Variants in ARID1B observed in about 807,000 individuals in gnomAD.
The protein encoded by ARID1B is AT-rich interaction domain 1B, also known as AT-rich interactive domain-containing protein 1B.
Under a neutral mutation model 212.3 loss-of-function variants are expected in ARID1B, and 30 were observed. The observed-to-expected ratio is 0.14, with a 90% CI of 0.11 to 0.19. ARID1B has a LOEUF of 0.19. ARID1B is among the 10% of genes least tolerant of loss of function. ARID1B has a pLI of 1.00. For missense variants in ARID1B, 2,891 were observed against 3,204.0 expected, an observed-to-expected ratio of 0.90 and a Z score of 2.36; for synonymous variants, 1,402 against 1,301.7, an observed-to-expected ratio of 1.08 and a Z score of -1.66.
intron 6 of ARID1B, among the ~76,000 whole-genome samples, chr6:157,116,941 G>C (rs1787356648): frequency 6.6e-6 from 1 of 152,102 alleles, no homozygotes; most frequent in African/African-American, 2.4e-5. Context: ...TTTCTCTATA[G>C]TTCTATAGAG....
intron 5 of ARID1B, among the ~76,000 whole-genome samples, chr6:157,099,500 C>A (rs991929132): frequency 1.3e-5 from 2 of 151,896 alleles, no homozygotes; most frequent in African/African-American, 4.8e-5. Flanking sequence ...TGAGGAGGAC[C>A]CATGCGAAAA....
intron 4 of ARID1B, among the ~76,000 whole-genome samples, chr6:156,982,527 C>T (rs1777669098): frequency 6.8e-6 from 1 of 147,884 alleles, no homozygotes; most frequent in South Asian, 2.1e-4. Flanking sequence ...ATTTCTTTCT[C>T]TCCCTTAATC....
chr6:157,077,394 C>A lies in ARID1B; in HGVS notation c.2248-7268C>A, dbSNP rs867586248. ...GTTCCTAAAAATGTAGGCCCCTGTT[C>A]CTTGGCATAAGCACGTGAGGCCATG... On this transcript the variant is annotated intron_variant, in intron 4 of 19. Coordinates refer to ENST00000636930, the MANE Select transcript of ARID1B (RefSeq NM_001374828.1). 7.2e-5 allele frequency among the ~76,000 whole-genome samples: 11 copies of A among 152,152 alleles called. No homozygotes were observed. The South Asian group carries it at 8.3e-4, about 11-fold the overall frequency.
chr6:157,031,557 C>T (rs1781016916), intron 4 of ARID1B, among the ~76,000 whole-genome samples: 1 of 152,086 alleles, frequency 6.6e-6, no homozygotes, highest in African/African-American at 2.4e-5. Flanking sequence ...TGTAATTTTG[C>T]CTTTCCCATC....
chr6:157,116,154 C>G (rs1237490725), intron 6 of ARID1B, among the ~76,000 whole-genome samples: 1 of 152,160 alleles, frequency 6.6e-6, no homozygotes, highest in African/African-American at 2.4e-5. Flanking sequence ...ACGGAATAGT[C>G]ATCTGAGTAG....
chr6:156,995,706 C>A (rs1300606933), intron 4 of ARID1B, among the ~76,000 whole-genome samples: 1 of 152,200 alleles, frequency 6.6e-6, no homozygotes, highest in Non-Finnish European at 1.5e-5. Context: ...GCTGTACCAG[C>A]TGCTATTAAG....
chr6:157,022,574 T>C (rs1407432396), intron 4 of ARID1B: 1 of 152,238 alleles, frequency 6.6e-6, no homozygotes, highest in Non-Finnish European at 1.5e-5. Context: ...TGACGACTTT[T>C]TCAAGTAAGC....
intron 1 of ARID1B, among the ~76,000 whole-genome samples, chr6:156,782,104 T>C (rs1367286262): frequency 6.6e-6 from 1 of 151,128 alleles, no homozygotes; most frequent in Non-Finnish European, 1.5e-5. Flanking sequence ...TTACAATCCT[T>C]TTTTTTCTTT....
chr6:156,786,064 A>C (rs1337790672), intron 1 of ARID1B, among the ~76,000 whole-genome samples: 1 of 152,224 alleles, frequency 6.6e-6, no homozygotes, highest in East Asian at 1.9e-4. Flanking sequence ...GTTAGATAAT[A>C]GGGTGTGGAA....
chr6:156,874,175 C>A (rs536320767), intron 2 of ARID1B, among the ~76,000 whole-genome samples: 57 of 152,318 alleles, frequency 3.7e-4, no homozygotes, highest in African/African-American at 1.3e-3. Context: ...GGGCTCATTC[C>A]TGCCTCAGCC....
upstream of ARID1B, chr6:156,777,150 GA>G (rs1441404749): frequency 6.6e-6 from 1 of 152,236 alleles, no homozygotes; most frequent in Non-Finnish European, 1.5e-5. Flanking sequence ...GGCCCGGGGG[GA>G]AAGTGCAGGT....
chr6:157,039,429 C>T (rs1781567069), intron 4 of ARID1B, among the ~76,000 whole-genome samples: 1 of 147,672 alleles, frequency 6.8e-6, no homozygotes, highest in Admixed American at 6.8e-5. Context: ...TTCCCGGGTT[C>T]ACGCCATTCT....
intron 8 of ARID1B, chr6:157,151,029 T>C (rs1459603045): frequency 1.2e-5 from 2 of 161,982 alleles, no homozygotes; most frequent in Non-Finnish European, 2.7e-5. Flanking sequence ...TGTGTTTGTT[T>C]CGTTTTCCTT....
intron 13 of ARID1B, among the ~76,000 whole-genome samples, chr6:157,188,998 C>A (rs1013746369): frequency 6.6e-6 from 1 of 152,048 alleles, no homozygotes; most frequent in African/African-American, 2.4e-5. Flanking sequence ...AACGCCAAAC[C>A]AGTATGACTT....
chr6:157,002,021 A>G (rs1342140718), intron 4 of ARID1B, among the ~76,000 whole-genome samples: 1 of 152,224 alleles, frequency 6.6e-6, no homozygotes, highest in African/African-American at 2.4e-5. Context: ...TGCCTGTGAC[A>G]TTGGGTTGCT....
chr6:157,199,702 C>T lies in ARID1B; in HGVS notation c.4479+795C>T, dbSNP rs375415850. Among the ~76,000 whole-genome samples the T allele has an allele frequency of 9.9e-5, 15 of 151,918 alleles. No homozygotes were observed. In the South Asian group the frequency reaches 1.7e-3, roughly 17 times the overall value. On this transcript the variant is annotated intron_variant, in intron 17 of 19. Transcript: ENST00000636930. ...TTTTTCTTTTTTTGAGATGGAGTCTCGCTCTGTCTGGAATCCAGTGGTGCA... is the reference window on the plus strand; with the variant it reads ...TTTTTCTTTTTTTGAGATGGAGTCTTGCTCTGTCTGGAATCCAGTGGTGCA...
chr6:157,096,147 G>A (rs750769007), intron 5 of ARID1B, among the ~76,000 whole-genome samples: 18 of 152,120 alleles, frequency 1.2e-4, no homozygotes, highest in Non-Finnish European at 2.5e-4. Context: ...TTCCCTTCAC[G>A]AAGTCCTTGC....
At chr6:157,123,224 C>A (rs1287950218) in intron 6 of ARID1B, among the ~76,000 whole-genome samples, 3 of 16,676 alleles carry the variant, frequency 1.8e-4, no homozygotes, top group African/African-American at 4.7e-4. Flanking sequence ...TTCTTTCTCT[C>A]CCCCCCGCCC....
chr6:157,197,226 G>A (rs762510522), intron 16 of ARID1B, among the ~76,000 whole-genome samples: 1 of 152,216 alleles, frequency 6.6e-6, no homozygotes, highest in African/African-American at 2.4e-5. Context: ...AAAAAAGATA[G>A]AGGCATAATA....
Sources: allele counts gnomAD v4.1 joint callset (sites outside exome capture counted in the v4.1 genomes callset), GRCh38; gene constraint gnomAD v4.1.1; transcripts MANE v1.5; gene names NCBI Gene and HGNC (gene_info 2026-07-23, HGNC 2026-07-21).